Variants in PIK3AP1 observed in about 807,000 individuals in gnomAD.
PIK3AP1 encodes the protein phosphoinositide-3-kinase adaptor protein 1.
In PIK3AP1, 21 loss-of-function variants were observed where a neutral mutation model predicts 88.1. That is an observed-to-expected ratio of 0.24 (90% confidence interval 0.17 to 0.34). The LOEUF (loss-of-function observed/expected upper bound fraction) is 0.34, where lower values mean the gene tolerates loss of function less well. Among genes scored for constraint, PIK3AP1 ranks in the 10% least tolerant of loss-of-function variants. PIK3AP1 has a pLI of 1.00. For synonymous variants in PIK3AP1, 398 were observed against 400.0 expected, an observed-to-expected ratio of 1.00 and a Z score of 0.06; for missense variants, 828 against 1,035.7, an observed-to-expected ratio of 0.80 and a Z score of 2.75.
At chr10:96,599,919 A>G (rs12256621) in intron 16 of PIK3AP1, among the ~76,000 whole-genome samples, 4,926 of 152,132 alleles carry the variant, frequency 0.032, 258 homozygotes, top group African/African-American at 0.11. Context: ...ACACATTTAC[A>G]TGCTTCCTAG....
At chr10:96,699,681 T>A (rs1172462) in intron 2 of PIK3AP1, among the ~76,000 whole-genome samples, 91,267 of 152,000 alleles carry the variant, frequency 0.6, 29,974 homozygotes, top group African/African-American at 0.89. Context: ...TGGCTCTGAT[T>A]TCTACATAAG....
intron 13 of PIK3AP1, among the ~76,000 whole-genome samples, chr10:96,615,249 C>T (rs777159771): frequency 6.6e-6 from 1 of 152,078 alleles, no homozygotes; most frequent in Admixed American, 6.6e-5. Flanking sequence ...CACAAAGGGC[C>T]TTGTAGGCTG....
At chr10:96,601,167 C>T (rs1300215287) in intron 16 of PIK3AP1, among the ~76,000 whole-genome samples, 1 of 151,992 alleles carries the variant, frequency 6.6e-6, no homozygotes, top group Non-Finnish European at 1.5e-5. Context: ...TGTTATTATC[C>T]TCATTTTATA....
At chr10:96,682,603 C>G (rs532347434) in intron 2 of PIK3AP1, among the ~76,000 whole-genome samples, 168 of 152,334 alleles carry the variant, frequency 1.1e-3, no homozygotes, top group African/African-American at 3.8e-3. Context: ...CTGACTGATA[C>G]CTGGGTGTGG....
At chr10:96,663,649 A>AG (rs1209776320) in intron 2 of PIK3AP1, among the ~76,000 whole-genome samples, 1 of 150,668 alleles carries the variant, frequency 6.6e-6, no homozygotes, top group African/African-American at 2.4e-5. Flanking sequence ...AAAAAAAAAA[A>AG]AAAAAGAAAC....
At chr10:96,611,386 C>T (rs1477257795) in intron 13 of PIK3AP1, among the ~76,000 whole-genome samples, 1 of 152,190 alleles carries the variant, frequency 6.6e-6, no homozygotes, top group African/African-American at 2.4e-5. Context: ...GGCACTCACT[C>T]TCATATGGGT....
At chr10:96,681,280 T>C (rs1275038636) in intron 2 of PIK3AP1, among the ~76,000 whole-genome samples, 2 of 152,196 alleles carry the variant, frequency 1.3e-5, no homozygotes, top group East Asian at 1.9e-4. Flanking sequence ...ATTACCTTTT[T>C]AAAAACTCTA....
At chr10:96,611,562 T>C (rs59362622) in intron 13 of PIK3AP1, among the ~76,000 whole-genome samples, 6,031 of 152,216 alleles carry the variant, frequency 0.04, 149 homozygotes, top group African/African-American at 0.064. Flanking sequence ...CTCTGCCTCC[T>C]GGGTTCAAGC....
chr10:96,623,338 C>G, intron 11 of PIK3AP1, 134 bp downstream of exon 11: 1 of 843,798 alleles, frequency 1.2e-6, no homozygotes, highest in Non-Finnish European at 1.8e-6. Flanking sequence ...GCTGGGACTA[C>G]AGGCGTGAGC....
chr10:96,676,764 G>T lies in PIK3AP1; in HGVS notation c.431-19830C>A, dbSNP rs938582925. Among the ~76,000 whole-genome samples the T allele has an allele frequency of 2.6e-5, 4 of 151,666 alleles. No homozygotes were observed. The East Asian group carries it at 5.8e-4, about 22-fold the overall frequency. ...TTAATAATTAACAGCTTACAAAGCT[G>T]GTCAAGTTGTATCTTCCAGAATAAT... On this transcript the variant is annotated intron_variant, in intron 2 of 16. Transcript: ENST00000339364.
intron 1 of PIK3AP1, among the ~76,000 whole-genome samples, chr10:96,718,812 C>T (rs72824472): frequency 0.14 from 21,460 of 152,114 alleles, 1,777 homozygotes; most frequent in South Asian, 0.25. Context: ...AAGGAGGAGG[C>T]GGCTTCACTG....
chr10:96,626,964 G>A lies in PIK3AP1; in HGVS notation c.1472-59C>T, dbSNP rs981062217. 2.0e-6 allele frequency: 3 copies of A among 1,496,632 alleles called. No individual in the cohort carries two copies. The African/African-American group carries it at 4.1e-5, about 21-fold the overall frequency. The allele number at this position is 1,496,632 out of a possible 1,614,324, so 92.7% of individuals were successfully genotyped here. The stretch of plus-strand genomic sequence containing the variant: ...GGCCAAACAAACTGGGTGATCATCA[G>A]TCATAAAGCAGAGTGAGGGACCTTA... On this transcript the variant is annotated intron_variant, in intron 9 of 16. Coordinates refer to ENST00000339364, the MANE Select transcript of PIK3AP1 (RefSeq NM_152309.3).
At chr10:96,700,732 G>C (rs901698120) in intron 2 of PIK3AP1, 19 of 835,652 alleles carry the variant, frequency 2.3e-5, no homozygotes, top group Non-Finnish European at 2.6e-5. Flanking sequence ...GCTTTCAAGA[G>C]ATCCAAGCCT....
At chr10:96,664,533 C>A (rs559930456) in intron 2 of PIK3AP1, among the ~76,000 whole-genome samples, 1 of 150,858 alleles carries the variant, frequency 6.6e-6, no homozygotes, top group African/African-American at 2.5e-5. Context: ...CCAATGCAAT[C>A]TATTAGCTAA....
intron 2 of PIK3AP1, among the ~76,000 whole-genome samples, chr10:96,698,013 G>A (rs1844244637): frequency 6.6e-6 from 1 of 152,120 alleles, no homozygotes; most frequent in African/African-American, 2.4e-5. Context: ...AGAACTGCTT[G>A]GTTCTCTCTG....
intron 13 of PIK3AP1, 148 bp from the exon 14 acceptor site, chr10:96,610,015 G>GCCACCAA: frequency 1.0e-6 from 1 of 978,486 alleles, no homozygotes; most frequent in Non-Finnish European, 1.5e-6. Flanking sequence ...AGAGGGAGGG[G>GCCACCAA]CCCTGGGTTG....
chr10:96,613,570 T>C (rs1488434610), intron 13 of PIK3AP1, among the ~76,000 whole-genome samples: 1 of 152,176 alleles, frequency 6.6e-6, no homozygotes, highest in Non-Finnish European at 1.5e-5. Context: ...AGGGTCTGCT[T>C]CTTGGAGAGT....
chr10:96,619,257 A>G (rs141315597), intron 12 of PIK3AP1: 2 of 152,320 alleles, frequency 1.3e-5, no homozygotes, highest in East Asian at 3.9e-4. Context: ...CTTCACCACT[A>G]ATCCTGTCCC....
At chr10:96,636,279 TA>T (rs1843311899) in intron 8 of PIK3AP1, among the ~76,000 whole-genome samples, 1 of 152,040 alleles carries the variant, frequency 6.6e-6, no homozygotes. Context: ...AAGAAAAAAA[TA>T]CTGGCCAACT....
Sources: gnomAD v4.1 joint callset for allele counts (sites outside exome capture counted in the v4.1 genomes callset) on GRCh38, gnomAD v4.1.1 for gene constraint, MANE v1.5 for transcripts, NCBI Gene and HGNC (gene_info 2026-07-23, HGNC 2026-07-21) for gene names.